The following DTNA variants were observed in gnomAD, a reference collection of about 807,000 sequenced individuals.
DTNA encodes the protein dystrobrevin alpha.
Under a neutral mutation model 100.7 loss-of-function variants are expected in DTNA, and 43 were observed. That is an observed-to-expected ratio of 0.43 (90% CI 0.33 to 0.55). The LOEUF is 0.55. DTNA is among the 20% of genes least tolerant of loss of function. The pLI, the probability that DTNA is intolerant of heterozygous loss-of-function variation, is 0.04. For missense variants in DTNA, 798 were observed against 953.9 expected (o/e 0.84, Z 2.15); for synonymous variants, 349 against 347.9 (o/e 1.00, Z -0.04).
intron 1 of DTNA, among the ~76,000 whole-genome samples, chr18:34,583,961 G>A (rs138628407): frequency 2.5e-3 from 385 of 151,840 alleles, no homozygotes; most frequent in Middle Eastern, 0.01. Flanking sequence ...TGGCAGATGA[G>A]GATGAGATAC....
intron 3 of DTNA, among the ~76,000 whole-genome samples, chr18:34,776,458 C>T (rs2094054790): frequency 6.6e-6 from 1 of 152,198 alleles, no homozygotes; most frequent in Non-Finnish European, 1.5e-5. Flanking sequence ...GATTCACCTG[C>T]ATCAGCCTGA....
chr18:34,522,373 G>A (rs573351748), intron 1 of DTNA, among the ~76,000 whole-genome samples: 3 of 152,246 alleles, frequency 2.0e-5, no homozygotes, highest in East Asian at 1.9e-4. Flanking sequence ...CTGAGTACAC[G>A]TATTGTCTCT....
upstream of DTNA, chr18:34,709,355 C>A (rs1383284): frequency 6.6e-6 from 1 of 152,122 alleles, no homozygotes; most frequent in Non-Finnish European, 1.5e-5. Flanking sequence ...TTATGCGAGG[C>A]CTGAGGGATG....
intron 16 of DTNA, among the ~76,000 whole-genome samples, chr18:34,863,002 A>C (rs1224058983): frequency 6.6e-6 from 1 of 152,190 alleles, no homozygotes; most frequent in Non-Finnish European, 1.5e-5. Flanking sequence ...ACATTAATAC[A>C]TACATGTTTA....
intron 3 of DTNA, among the ~76,000 whole-genome samples, chr18:34,793,155 C>T (rs140391842): frequency 1.3e-5 from 2 of 152,278 alleles, no homozygotes; most frequent in East Asian, 3.9e-4. Context: ...AAGTTTGCAA[C>T]AGAAAGCAAA....
At chr18:34,639,712 G>A (rs2059056751) in intron 1 of DTNA, among the ~76,000 whole-genome samples, 1 of 152,206 alleles carries the variant, frequency 6.6e-6, no homozygotes. Context: ...CCAGGACTCA[G>A]AAGGAAAGAA....
At chr18:34,812,985 G>A (rs890265896) in intron 6 of DTNA, among the ~76,000 whole-genome samples, 1 of 152,098 alleles carries the variant, frequency 6.6e-6, no homozygotes, top group African/African-American at 2.4e-5. Flanking sequence ...TCCAAGTGAT[G>A]TGTTTTAACT....
At chr18:34,605,417 T>C (rs2052842155) in intron 1 of DTNA, among the ~76,000 whole-genome samples, 1 of 152,178 alleles carries the variant, frequency 6.6e-6, no homozygotes. Flanking sequence ...ACAAAGTCCC[T>C]CCACCAATCA....
chr18:34,619,433 C>T (rs1037047769), intron 1 of DTNA, among the ~76,000 whole-genome samples: 3 of 152,078 alleles, frequency 2.0e-5, no homozygotes, highest in African/African-American at 7.2e-5. Context: ...CAATATACCA[C>T]AAATTCCAAG....
chr18:34,822,686 AAG>A (rs1390145576), intron 9 of DTNA: 2 of 153,482 alleles, frequency 1.3e-5, no homozygotes, highest in African/African-American at 4.8e-5. Flanking sequence ...GAGAGGGAGA[AAG>A]AAGTATTTAA....
intron 1 of DTNA, among the ~76,000 whole-genome samples, chr18:34,665,246 T>A (rs1477291544): frequency 6.6e-6 from 1 of 152,038 alleles, no homozygotes; most frequent in Non-Finnish European, 1.5e-5. Context: ...TTTTTTTCCT[T>A]AGGGAAACAA....
intron 1 of DTNA, among the ~76,000 whole-genome samples, chr18:34,619,262 T>G (rs1257768763): frequency 1.3e-5 from 2 of 152,128 alleles, no homozygotes; most frequent in Admixed American, 1.3e-4. Flanking sequence ...AACACTGTGT[T>G]AAACAGGTTA....
chr18:34,793,094 T>C (rs2094818979), intron 3 of DTNA, among the ~76,000 whole-genome samples: 1 of 152,106 alleles, frequency 6.6e-6, no homozygotes, highest in South Asian at 2.1e-4. Context: ...AGTAAAAGAA[T>C]CCAGACCCAA....
chr18:34,575,683 C>T (rs2048047122), intron 1 of DTNA, among the ~76,000 whole-genome samples: 1 of 152,062 alleles, frequency 6.6e-6, no homozygotes, highest in Non-Finnish European at 1.5e-5. Flanking sequence ...ACTTTTCTGA[C>T]ATAAATTTCA....
intron 17 of DTNA, among the ~76,000 whole-genome samples, chr18:34,871,461 A>G (rs974372407): frequency 1.3e-5 from 2 of 152,186 alleles, no homozygotes; most frequent in African/African-American, 4.8e-5. Context: ...TTTTAGATCT[A>G]TATATTGATC....
chr18:34,582,915 G>A (rs895842461), intron 1 of DTNA, among the ~76,000 whole-genome samples: 3 of 152,026 alleles, frequency 2.0e-5, no homozygotes, highest in Non-Finnish European at 2.9e-5. Flanking sequence ...AACTTGAAAG[G>A]GAAATTAGTT....
At chr18:34,634,134 TG>T (rs969897872) in intron 1 of DTNA, among the ~76,000 whole-genome samples, 2 of 152,182 alleles carry the variant, frequency 1.3e-5, no homozygotes, top group African/African-American at 4.8e-5. Flanking sequence ...CCTCTAGAGA[TG>T]TTTGTCTTTC....
intron 1 of DTNA, among the ~76,000 whole-genome samples, chr18:34,572,844 C>A (rs1156562808): frequency 1.3e-5 from 2 of 152,098 alleles, no homozygotes; most frequent in African/African-American, 2.4e-5. Context: ...GGGAAAGTGG[C>A]CTCTTTATTC....
At chr18:34,720,094 G>C (rs906045283) in intron 1 of DTNA, among the ~76,000 whole-genome samples, 1 of 152,176 alleles carries the variant, frequency 6.6e-6, no homozygotes, top group Non-Finnish European at 1.5e-5. Context: ...AGCCAGAAAA[G>C]GGAATCAGGC....
Sources: allele counts gnomAD v4.1 joint callset (sites outside exome capture counted in the v4.1 genomes callset), GRCh38; gene constraint gnomAD v4.1.1; transcripts MANE v1.5; gene names NCBI Gene and HGNC (gene_info 2026-07-23, HGNC 2026-07-21).